The following SLIT3 variants were observed in gnomAD, a reference collection of about 807,000 sequenced individuals.
The protein encoded by SLIT3 is slit guidance ligand 3.
SLIT3 carries 68 observed loss-of-function variants against 184.0 expected under a neutral mutation model. That is an observed-to-expected ratio of 0.37 (90% CI 0.30 to 0.45). The LOEUF is 0.45. Among genes scored for constraint, SLIT3 ranks in the 20% least tolerant of loss-of-function variants. The pLI, the probability that SLIT3 is intolerant of heterozygous loss-of-function variation, is 1.00. For missense variants in SLIT3, 1,707 were observed against 2,026.0 expected (o/e 0.84, Z 3.02); for synonymous variants, 831 against 828.6 (o/e 1.00, Z -0.05).
chr5:168,816,971 G>A (rs1333969840), intron 8 of SLIT3, among the ~76,000 whole-genome samples: 1 of 152,192 alleles, frequency 6.6e-6, no homozygotes, highest in African/African-American at 2.4e-5. Context: ...TTTAGCAGAT[G>A]CTAGAACACC....
intron 4 of SLIT3, among the ~76,000 whole-genome samples, chr5:168,915,751 T>C (rs945015360): frequency 6.6e-6 from 1 of 152,180 alleles, no homozygotes; most frequent in African/African-American, 2.4e-5. Context: ...CAGCTACATG[T>C]GTCCAGAGGC....
Position 169,300,257 on chromosome 5 carries a change from G to A in SLIT3, c.197+256C>T, listed in dbSNP as rs1280342873. On this transcript the variant is annotated intron_variant, in intron 1 of 35. Coordinates refer to ENST00000519560, the MANE Select transcript of SLIT3 (RefSeq NM_003062.4). The surrounding 1 kb of genome is among the most constrained non-coding windows in gnomAD (Gnocchi z 4.1). Reference sequence around the variant, plus strand: ...CAGCTACTCCTTGGAAGCTGTCAGCGGGCCCTGCGTCTGGAACCCTCACCC... The same window carrying A: ...CAGCTACTCCTTGGAAGCTGTCAGCAGGCCCTGCGTCTGGAACCCTCACCC... Among the ~76,000 whole-genome samples the A allele has an allele frequency of 6.6e-6, 1 of 152,222 alleles. No homozygotes were observed. The highest frequency in any genetic ancestry group is 2.4e-5 in the African/African-American group (1 of 41,464).
chr5:168,737,167 G>A (rs141329389), intron 20 of SLIT3, among the ~76,000 whole-genome samples: 1 of 152,198 alleles, frequency 6.6e-6, no homozygotes, highest in Admixed American at 6.5e-5. Flanking sequence ...CCACTCCCTT[G>A]TGCTTGTCAT....
chr5:169,140,908 T>C (rs908594660), intron 4 of SLIT3, among the ~76,000 whole-genome samples: 1 of 152,228 alleles, frequency 6.6e-6, no homozygotes, highest in Non-Finnish European at 1.5e-5. Context: ...ACTCTTTAAA[T>C]CTGGCCATCA....
At chr5:169,159,777 TAAAC>T (rs961951447) in intron 4 of SLIT3, among the ~76,000 whole-genome samples, 1 of 152,006 alleles carries the variant, frequency 6.6e-6, no homozygotes, top group Admixed American at 6.6e-5. Context: ...CTCCGTCTCT[TAAAC>T]AAACAAACAA....
At chr5:168,812,360 G>A (rs1240034588) in intron 8 of SLIT3, among the ~76,000 whole-genome samples, 2 of 152,162 alleles carry the variant, frequency 1.3e-5, no homozygotes, top group African/African-American at 4.8e-5. Flanking sequence ...CATTTTGAAT[G>A]TTCCCAACAC....
At chr5:169,142,763 A>G (rs2113348305) in intron 4 of SLIT3, among the ~76,000 whole-genome samples, 1 of 151,816 alleles carries the variant, frequency 6.6e-6, no homozygotes, top group East Asian at 1.9e-4. Context: ...CCTACTCCTC[A>G]CTCCAACCAT....
intron 5 of SLIT3, among the ~76,000 whole-genome samples, chr5:168,868,749 A>G (rs74738600): frequency 0.12 from 14,492 of 121,694 alleles, 468 homozygotes; most frequent in East Asian, 0.21. Context: ...ATCTGCCTCA[A>G]AAAAAAAAAA....
At chr5:169,051,908 TG>T (rs1451001149) in intron 4 of SLIT3, among the ~76,000 whole-genome samples, 6 of 152,166 alleles carry the variant, frequency 3.9e-5, no homozygotes. Context: ...TTGCACGCCT[TG>T]GTGTCCCCAA....
At chr5:169,052,773 C>T (rs920970900) in intron 4 of SLIT3, among the ~76,000 whole-genome samples, 5 of 152,176 alleles carry the variant, frequency 3.3e-5, no homozygotes, top group African/African-American at 4.8e-5. Flanking sequence ...TTTCACTCCA[C>T]GCTACCCAAG....
chr5:169,290,580 AG>A (rs1767325968), intron 1 of SLIT3, among the ~76,000 whole-genome samples: 1 of 150,458 alleles, frequency 6.6e-6, no homozygotes, highest in Non-Finnish European at 1.5e-5. Flanking sequence ...GGTGCGCACT[AG>A]GGCACATGCT....
intron 3 of SLIT3, among the ~76,000 whole-genome samples, chr5:169,220,575 G>A (rs181577406): frequency 6.6e-6 from 1 of 152,140 alleles, no homozygotes; most frequent in East Asian, 1.9e-4. Flanking sequence ...AGTAATTTCT[G>A]GAAGCATATA....
At chr5:169,153,043 T>C (rs1762172869) in intron 4 of SLIT3, among the ~76,000 whole-genome samples, 1 of 152,254 alleles carries the variant, frequency 6.6e-6, no homozygotes, top group South Asian at 2.1e-4. Context: ...AATGTCCCCA[T>C]AGTCATCCCT....
intron 3 of SLIT3, among the ~76,000 whole-genome samples, chr5:169,218,606 G>C (rs1038215118): frequency 5.9e-5 from 9 of 152,218 alleles, no homozygotes; most frequent in Admixed American, 2.6e-4. Flanking sequence ...CTAGCTCTGT[G>C]ACCTTAGGCG....
At chr5:168,784,496 G>A (rs893135883) in intron 12 of SLIT3, among the ~76,000 whole-genome samples, 3 of 152,296 alleles carry the variant, frequency 2.0e-5, no homozygotes, top group Admixed American at 6.5e-5. Context: ...CTGGTTGCTG[G>A]TATGATAGAT....
chr5:169,156,704 C>T (rs1762318494), intron 4 of SLIT3, among the ~76,000 whole-genome samples: 1 of 152,206 alleles, frequency 6.6e-6, no homozygotes, highest in African/African-American at 2.4e-5. Context: ...CTGTCAGAAC[C>T]ATTGAGGTAC....
chr5:168,876,611 A>T (rs1167444536), intron 5 of SLIT3, among the ~76,000 whole-genome samples: 2 of 152,166 alleles, frequency 1.3e-5, no homozygotes, highest in Non-Finnish European at 2.9e-5. Flanking sequence ...ATGAACTCCT[A>T]TGCATCCTTC....
chr5:169,058,045 T>C (rs1416507589), intron 4 of SLIT3, among the ~76,000 whole-genome samples: 1 of 152,204 alleles, frequency 6.6e-6, no homozygotes, highest in Non-Finnish European at 1.5e-5. Context: ...GACCCCACCC[T>C]GTAAGGTATA....
At chr5:168,984,332 G>A (rs1010297647) in intron 4 of SLIT3, among the ~76,000 whole-genome samples, 5 of 152,032 alleles carry the variant, frequency 3.3e-5, no homozygotes, top group African/African-American at 9.7e-5. Flanking sequence ...AAATTGCATC[G>A]CCCTCTTTAA....
Sources: allele counts gnomAD v4.1 joint callset (sites outside exome capture counted in the v4.1 genomes callset), GRCh38; gene constraint gnomAD v4.1.1; non-coding constraint Gnocchi (gnomAD v3.1); transcripts MANE v1.5; gene names NCBI Gene and HGNC (gene_info 2026-07-23, HGNC 2026-07-21).